ADAM8: variants seen among roughly 807,000 people sequenced by gnomAD.
ADAM8 encodes the protein disintegrin and metalloproteinase domain-containing protein 8.
In ADAM8, 104 loss-of-function variants were observed where a neutral mutation model predicts 102.4. The observed-to-expected ratio is 1.02, with a 90% CI of 0.87 to 1.20. The LOEUF (loss-of-function observed/expected upper bound fraction) is 1.20, where lower values mean the gene tolerates loss of function less well. Among genes scored for constraint, ADAM8 ranks in the 50% most tolerant of loss-of-function variants. ADAM8 has a pLI of 0.00. For synonymous variants in ADAM8, 517 were observed against 485.2 expected, an observed-to-expected ratio of 1.07 and a Z score of -0.86; for missense variants, 1,132 against 1,159.0, an observed-to-expected ratio of 0.98 and a Z score of 0.34.
chr10:133,273,673 C>A (rs1159723059), intron 5 of ADAM8, 89 bp downstream of exon 5: 1 of 1,407,958 alleles, frequency 7.1e-7, no homozygotes. Context: ...GGAGGAGGCA[C>A]CCTCCCTGCC....
In ADAM8 at chr10:133,263,014, G is replaced by T; in HGVS notation, c.*142C>A. 2 of 993,204 alleles carry T rather than the reference G, an allele frequency of 2.0e-6. No individual in the cohort carries two copies. The highest frequency in any genetic ancestry group is 1.6e-6 in the Non-Finnish European group (1 of 623,050). 61.5% of individuals were successfully genotyped at this position (993,204 alleles called of 1,614,324 possible). A position where few individuals can be genotyped will look rare whatever the true frequency, so the allele number is the denominator to read the frequency against. On this transcript the variant is annotated 3_prime_UTR_variant, in exon 23 of 23. Transcript: ENST00000445355. ...GACAGCAGGAGCCTCTCAGGTAGAT[G>T]CATTCCTGAGGTTAGAACAGCAGCT... is the stretch of plus-strand genomic sequence containing the variant.
chr10:133,269,827 GT>G, intron 17 of ADAM8, 69 bp downstream of exon 17: 1 of 1,546,438 alleles, frequency 6.5e-7, no homozygotes. Flanking sequence ...GTCCAGAGCT[GT>G]CCCCAGCACC....
chr10:133,268,070 G>C lies in ADAM8; in HGVS notation c.2112C>G (p.His704Gln). The C allele has an allele frequency of 3.9e-6, 5 of 1,273,044 alleles. No individual in the cohort carries two copies. The highest frequency in any genetic ancestry group is 5.0e-6 in the Non-Finnish European group (5 of 1,002,338). 78.9% of individuals were successfully genotyped at this position (1,273,044 alleles called of 1,614,324 possible). ...TGGCCGGCACGCGGCTGGCAGCCTG[G>C]TGGAACAGGGGGTTGGAGCGCCCCA... The part of the protein sequence containing the change: ...TTMGRSNPLF[H>Q]QAASRVPAKG... Residue 704 changes from histidine (H) to glutamine (Q), a missense_variant, in exon 20 of 23, where the codon CAC becomes CAG. His to Gln is a conservative substitution (Grantham distance 24, BLOSUM62 0). Transcript: ENST00000445355.
intron 22 of ADAM8, 123 bp from the exon 23 acceptor site, chr10:133,263,356 A>G: frequency 3.1e-6 from 3 of 952,476 alleles, no homozygotes; most frequent in South Asian, 1.7e-5. Context: ...TTCATCCACC[A>G]ACAACATGGC....
chr10:133,267,987 G>T lies in ADAM8; in HGVS notation c.2195C>A (p.Pro732Gln). The change falls in exon 20 of 23, where the codon CCG (proline) becomes CAG (glutamine). Residue 732 changes from proline (P) to glutamine (Q), a missense_variant. Coordinates refer to ENST00000445355, the MANE Select transcript of ADAM8 (RefSeq NM_001109.5). The stretch of plus-strand genomic sequence containing the variant: ...GGCCGGGTGTCGGGCGGGCTGGCCC[G>T]GGTGGGTGGTGGGGACCAGCTCTTG... Reference protein sequence around the residue: ...GPQELVPTTHPGQPARHPASS... With the variant: ...GPQELVPTTHQGQPARHPASS... 1.6e-6 allele frequency: 2 copies of T among 1,261,094 alleles called. No individual in the cohort carries two copies. Among genetic ancestry groups the T allele is most frequent in the Non-Finnish European group, 2.0e-6 (2 of 996,418 alleles). The allele number at this position is 1,261,094 out of a possible 1,614,324, so 78.1% of individuals were successfully genotyped here.
rs757610120 is a variant in ADAM8, at chr10:133,263,285, T to C, written c.2398-52A>G. 6.6e-6 allele frequency: 10 copies of C among 1,506,948 alleles called. 2 individuals are homozygous for C. The South Asian group carries it at 1.3e-4, about 19-fold the overall frequency. The allele number at this position is 1,506,948 out of a possible 1,614,324, so 93.3% of individuals were successfully genotyped here. On this transcript the variant is annotated intron_variant, in intron 22 of 22. Coordinates refer to ENST00000445355, the MANE Select transcript of ADAM8 (RefSeq NM_001109.5). Reference sequence around the variant, plus strand: ...TTGAAAAACTACCTGCTATAAAAGGTATATAAAGGGTACAACGAAATTTTA... The same window carrying C: ...TTGAAAAACTACCTGCTATAAAAGGCATATAAAGGGTACAACGAAATTTTA...
Position 133,269,887 on chromosome 10 carries a change from C to T in ADAM8, c.1863+10G>A, listed in dbSNP as rs1846462105. 6.2e-7 allele frequency: 1 copy of T among 1,612,452 alleles called. No individual in the cohort carries two copies. The highest frequency in any genetic ancestry group is 1.3e-5 in the African/African-American group (1 of 74,948). On this transcript the variant is annotated intron_variant, in intron 17 of 22. Transcript: ENST00000445355. The stretch of plus-strand genomic sequence containing the variant: ...TGTGCAGGGGCCCTGTCCCGAGAGG[C>T]CACACATACCCCATGGTTGTGGCAC...
At position 133,271,623 on chromosome 10, in the gene ADAM8, C is replaced by A. The variant is rs539019756; in HGVS notation, c.1189G>T (p.Ala397Ser). 1 of 1,555,276 alleles carries A rather than the reference C, an allele frequency of 6.4e-7. No homozygotes were observed. The highest frequency in any genetic ancestry group is 8.7e-7 in the Non-Finnish European group (1 of 1,149,586). Residue 397 changes from alanine to serine, a missense_variant, in exon 12 of 23, where the codon GCC becomes TCC. Coordinates refer to ENST00000445355, the MANE Select transcript of ADAM8 (RefSeq NM_001109.5). ...AGGTGGCTGAGGTCAGGGGCGTTGGCGAGGCACACCGACTGCGGCCGCTCC... is the reference window on the plus strand; with the variant it reads ...AGGTGGCTGAGGTCAGGGGCGTTGGAGAGGCACACCGACTGCGGCCGCTCC... ...FLERPQSVCLANAPDLSHLVG... is the reference protein window; with the variant it reads ...FLERPQSVCLSNAPDLSHLVG...
Position 133,265,393 on chromosome 10 carries a change from C to A in ADAM8, c.2320-1628G>T, listed in dbSNP as rs190283750. Among the ~76,000 whole-genome samples the A allele has an allele frequency of 3.4e-4, 52 of 152,340 alleles. No homozygotes were observed. In the East Asian group the frequency reaches 9.2e-3, roughly 27 times the overall value. On this transcript the variant is annotated intron_variant, in intron 21 of 22. Coordinates refer to ENST00000445355, the MANE Select transcript of ADAM8 (RefSeq NM_001109.5). ...AGAAATCTCTCTGCCCCCTTCAGGC[C>A]CCCATTTTGCCTGTCCAGACCCCTT...
intron 8 of ADAM8, 84 bp from the exon 9 acceptor site, chr10:133,272,669 C>A: frequency 6.5e-7 from 1 of 1,541,902 alleles, no homozygotes; most frequent in Non-Finnish European, 8.7e-7. Flanking sequence ...ATGCACCTGT[C>A]CCACGGCGAG....
At chr10:133,264,330 G>A (rs1399401910) in intron 21 of ADAM8, among the ~76,000 whole-genome samples, 6 of 152,160 alleles carry the variant, frequency 3.9e-5, no homozygotes, top group African/African-American at 1.2e-4. Context: ...CAAAGTGCTG[G>A]GATTACAGGC....
At chr10:133,273,720 T>A in intron 5 of ADAM8, 42 bp downstream of exon 5, 15 of 1,441,728 alleles carry the variant, frequency 1.0e-5, no homozygotes, top group Non-Finnish European at 1.2e-5. Flanking sequence ...TAGGCCTTCC[T>A]CTCCACCTGC....
rs1846194348 is a variant in ADAM8, at chr10:133,262,457, C to A, written c.*699G>T. 6.6e-6 allele frequency: 1 copy of A among 152,262 alleles called. No homozygotes were observed. The highest frequency in any genetic ancestry group is 6.5e-5 in the Admixed American group (1 of 15,284). 9.4% of individuals were successfully genotyped at this position (152,262 alleles called of 1,614,324 possible). On this transcript the variant is annotated 3_prime_UTR_variant, in exon 23 of 23. Transcript: ENST00000445355. ...TAATTTATTAGTAAAATATACATTT[C>A]TCATTATTAAAGAATAAAAGCTTTC...
intron 22 of ADAM8, 65 bp downstream of exon 22, chr10:133,263,623 C>CCCCGTGGGGAGGCCGTGCCACTGTCAGA (rs1846231061): frequency 2.0e-6 from 3 of 1,467,202 alleles, no homozygotes; most frequent in Admixed American, 4.8e-5. Flanking sequence ...CCACCGTCAG[C>CCCCGTGGGGAGGCCGTGCCACTGTCAGA]CCCGTGGGGA....
intron 16 of ADAM8, 22 bp downstream of exon 16, chr10:133,270,321 TGCCTGGGGGGTGGCGCG>T: frequency 6.4e-7 from 1 of 1,557,090 alleles, no homozygotes; most frequent in South Asian, 1.2e-5. Context: ...ATGCCCGGGA[TGCCTGGGGGGTGGCGCG>T]GCCTCTGAGC....
intron 18 of ADAM8, 168 bp from the exon 19 acceptor site, chr10:133,269,030 G>A: frequency 1.0e-6 from 1 of 985,484 alleles, no homozygotes; most frequent in African/African-American, 1.7e-5. Flanking sequence ...CCAGTGACAG[G>A]TTGGAGAGCT....
chr10:133,269,507 C>A lies in ADAM8; in HGVS notation c.1886G>T (p.Cys629Phe). The change falls in exon 18 of 23, where the codon TGC (cysteine) becomes TTC (phenylalanine). Residue 629 changes from cysteine (C) to phenylalanine (F), a missense_variant. Coordinates refer to ENST00000445355, the MANE Select transcript of ADAM8 (RefSeq NM_001109.5). The part of the protein sequence containing the change: ...NHGVCNHKQE[C>F]HCHAGWAPPH... ...CGGGGCCCAGCCCGCGTGGCAGTGG[C>A]ACTCCTGCTTGTGGTTGCACACCTG... 1 of 1,598,792 alleles carries A rather than the reference C, an allele frequency of 6.3e-7. No homozygotes were observed. Among genetic ancestry groups the A allele is most frequent in the Non-Finnish European group, 8.5e-7 (1 of 1,178,166 alleles).
At position 133,269,895 on chromosome 10, in the gene ADAM8, A is replaced by AC; in HGVS notation, c.1863+1dup. Reference sequence around the variant, plus strand: ...GGCCCTGTCCCGAGAGGCCACACATACCCCATGGTTGTGGCACTGGGCAGA... The same window carrying AC: ...GGCCCTGTCCCGAGAGGCCACACATACCCCCATGGTTGTGGCACTGGGCAGA... On this transcript the variant is annotated splice_donor_variant, in intron 17 of 22. Transcript: ENST00000445355. LOFTEE classifies it high-confidence loss of function. The AC allele has an allele frequency of 3.1e-6, 5 of 1,612,554 alleles. No homozygotes were observed. The highest frequency in any genetic ancestry group is 2.2e-5 in the South Asian group (2 of 91,078).
At chr10:133,275,390 T>C in intron 2 of ADAM8, 94 bp downstream of exon 2, 1 of 935,238 alleles carries the variant, frequency 1.1e-6, no homozygotes, top group Non-Finnish European at 1.6e-6. Flanking sequence ...AGACACCCAC[T>C]GGCCTCTCAC....
Sources: allele counts gnomAD v4.1 joint callset (sites outside exome capture counted in the v4.1 genomes callset), GRCh38; gene constraint gnomAD v4.1.1; transcripts MANE v1.5; gene names NCBI Gene and HGNC (gene_info 2026-07-23, HGNC 2026-07-21).